The following PTPRG variants were observed in gnomAD, a reference collection of about 807,000 sequenced individuals.
PTPRG encodes protein tyrosine phosphatase receptor type G.
A neutral mutation model predicts 165.3 loss-of-function variants in PTPRG; 102 were observed. That is an observed-to-expected ratio of 0.62 (90% confidence interval 0.53 to 0.73). The LOEUF is 0.73. Among genes scored for constraint, PTPRG ranks in the 30% least tolerant of loss-of-function variants. The probability of loss-of-function intolerance (pLI) is 0.00; values close to 1 mark genes in which losing one functional copy is unlikely to be tolerated. For missense variants in PTPRG, 1,866 were observed against 1,861.4 expected (o/e 1.00, Z -0.05); for synonymous variants, 675 against 669.5 (o/e 1.01, Z -0.13).
intron 1 of PTPRG, among the ~76,000 whole-genome samples, chr3:61,708,506 G>C (rs1453747553): frequency 8.3e-6 from 1 of 121,156 alleles, no homozygotes; most frequent in Non-Finnish European, 1.6e-5. Flanking sequence ...CTGTCACCCT[G>C]ACTGGAGTGC....
chr3:61,966,577 A>G (rs2040276760), intron 2 of PTPRG, among the ~76,000 whole-genome samples: 1 of 152,150 alleles, frequency 6.6e-6, no homozygotes, highest in Non-Finnish European at 1.5e-5. Context: ...TAACATGCAA[A>G]ACATGTAAAG....
intron 4 of PTPRG, among the ~76,000 whole-genome samples, chr3:62,030,968 A>G (rs1211447753): frequency 1.3e-5 from 2 of 152,202 alleles, no homozygotes; most frequent in Admixed American, 6.5e-5. Flanking sequence ...GTGTAAACCA[A>G]TTGCACTATT....
At chr3:62,059,695 A>G (rs137999372) in intron 4 of PTPRG, among the ~76,000 whole-genome samples, 1 of 152,160 alleles carries the variant, frequency 6.6e-6, no homozygotes, top group East Asian at 1.9e-4. Context: ...TCCCCACCCA[A>G]ATCTCATCTT....
At chr3:62,012,556 G>A (rs998031996) in intron 4 of PTPRG, among the ~76,000 whole-genome samples, 2 of 152,044 alleles carry the variant, frequency 1.3e-5, no homozygotes, top group Non-Finnish European at 2.9e-5. Context: ...ATTCATTTAT[G>A]TTTCATATGC....
intron 2 of PTPRG, among the ~76,000 whole-genome samples, chr3:61,987,541 G>A (rs1373846542): frequency 6.6e-6 from 1 of 152,122 alleles, no homozygotes; most frequent in East Asian, 1.9e-4. Context: ...TGAGTCATAT[G>A]TATTTGGATT....
At chr3:61,972,349 T>G (rs809764) in intron 2 of PTPRG, among the ~76,000 whole-genome samples, 57,133 of 152,006 alleles carry the variant, frequency 0.38, 12,038 homozygotes, top group African/African-American at 0.58. Flanking sequence ...TAGGGCCTTA[T>G]AGATGATTTT....
At chr3:61,957,092 A>T (rs573445692) in intron 2 of PTPRG, among the ~76,000 whole-genome samples, 1 of 152,320 alleles carries the variant, frequency 6.6e-6, no homozygotes, top group African/African-American at 2.4e-5. Flanking sequence ...CTTGTCTATA[A>T]ATATCACCTG....
At chr3:61,751,976 A>G (rs897672841) in intron 2 of PTPRG, among the ~76,000 whole-genome samples, 3 of 152,022 alleles carry the variant, frequency 2.0e-5, no homozygotes, top group Non-Finnish European at 4.4e-5. Flanking sequence ...CCTGGGTGAC[A>G]TAGCATGCCT....
chr3:61,696,721 CT>C (rs1229702475), intron 1 of PTPRG, among the ~76,000 whole-genome samples: 1 of 152,162 alleles, frequency 6.6e-6, no homozygotes, highest in African/African-American at 2.4e-5. Flanking sequence ...AGAGCCCTAG[CT>C]TTTTTCAATG....
chr3:62,074,928 T>C (rs1167408087), intron 4 of PTPRG, among the ~76,000 whole-genome samples: 4 of 152,142 alleles, frequency 2.6e-5, no homozygotes, highest in Admixed American at 6.6e-5. Context: ...ACAAAGTATG[T>C]TTCAATTCAC....
At chr3:61,959,118 C>T (rs949423652) in intron 2 of PTPRG, among the ~76,000 whole-genome samples, 1 of 152,268 alleles carries the variant, frequency 6.6e-6, no homozygotes, top group Non-Finnish European at 1.5e-5. Flanking sequence ...TAATGACTTA[C>T]CAGGAATGCT....
At chr3:61,686,033 C>T (rs1703614811) in intron 1 of PTPRG, among the ~76,000 whole-genome samples, 1 of 152,184 alleles carries the variant, frequency 6.6e-6, no homozygotes, top group African/African-American at 2.4e-5. Context: ...TCTGCCAGGA[C>T]CCTGCACCGT....
intron 13 of PTPRG, among the ~76,000 whole-genome samples, 171 bp from the exon 14 acceptor site, chr3:62,231,054 C>T (rs901951900): frequency 1.3e-5 from 2 of 152,156 alleles, no homozygotes; most frequent in Admixed American, 1.3e-4. Flanking sequence ...AAAAGCTCCT[C>T]ATAAGCTCCT....
At chr3:62,070,157 T>G (rs1467712717) in intron 4 of PTPRG, among the ~76,000 whole-genome samples, 1 of 152,204 alleles carries the variant, frequency 6.6e-6, no homozygotes, top group Non-Finnish European at 1.5e-5. Flanking sequence ...AGTATTAAAA[T>G]TTTAGGCCAG....
At chr3:62,180,915 T>C (rs572068432) in intron 8 of PTPRG, among the ~76,000 whole-genome samples, 2 of 152,320 alleles carry the variant, frequency 1.3e-5, no homozygotes, top group African/African-American at 4.8e-5. Context: ...ATACTGCCTA[T>C]TTCTGTTTTC....
At chr3:61,885,672 CTCTCCTCT>C (rs1559669089) in intron 2 of PTPRG, among the ~76,000 whole-genome samples, 26 of 68,170 alleles carry the variant, frequency 3.8e-4, no homozygotes, top group South Asian at 6.4e-4. Context: ...CTCTCCTCTC[CTCTCCTCT>C]CCTCTCCTCT....
Position 61,695,017 on chromosome 3 carries a change from T to C in PTPRG, c.86-53861T>C, listed in dbSNP as rs1050750692. Among the ~76,000 whole-genome samples, 247 of 141,474 alleles carry C rather than the reference T, an allele frequency of 1.7e-3. 1 individual carries two copies. Among genetic ancestry groups the C allele is most frequent in the Non-Finnish European group, 1.8e-3 (119 of 66,228 alleles). 92.8% of individuals were successfully genotyped at this position (141,474 alleles called of 152,430 possible). A position where few individuals can be genotyped will look rare whatever the true frequency, so the allele number is the denominator to read the frequency against. The stretch of plus-strand genomic sequence containing the variant: ...AACTGTTTGGCTTTTTTTCTTTTTC[T>C]TTTTTTTTTTGAGACAGAGTTTTGC... On this transcript the variant is annotated intron_variant, in intron 1 of 29. Coordinates refer to ENST00000474889, the MANE Select transcript of PTPRG (RefSeq NM_002841.4).
chr3:62,089,493 A>G (rs1355543365), intron 5 of PTPRG, among the ~76,000 whole-genome samples: 1 of 152,242 alleles, frequency 6.6e-6, no homozygotes, highest in East Asian at 1.9e-4. Context: ...CGTCCATGAT[A>G]GAAATATTTT....
At chr3:62,291,861 A>G (rs1576235040) in intron 28 of PTPRG, among the ~76,000 whole-genome samples, 1 of 152,194 alleles carries the variant, frequency 6.6e-6, no homozygotes, top group East Asian at 1.9e-4. Flanking sequence ...TTATCTTTCC[A>G]AGGATTTCAT....
Sources: gnomAD v4.1 joint callset for allele counts (sites outside exome capture counted in the v4.1 genomes callset) on GRCh38, gnomAD v4.1.1 for gene constraint, MANE v1.5 for transcripts, NCBI Gene and HGNC (gene_info 2026-07-23, HGNC 2026-07-21) for gene names.